CDYL2: variants seen among roughly 807,000 people sequenced by gnomAD.
The protein encoded by CDYL2 is chromodomain Y like 2, also known as chromodomain Y-like protein 2.
Under a neutral mutation model 49.4 loss-of-function variants are expected in CDYL2, and 23 were observed. That is an observed-to-expected ratio of 0.47 (90% CI 0.34 to 0.66). The LOEUF (loss-of-function observed/expected upper bound fraction) is 0.66. Among genes scored for constraint, CDYL2 ranks in the 30% least tolerant of loss-of-function variants. CDYL2 has a pLI of 0.01. For synonymous variants in CDYL2, 360 were observed against 268.8 expected (o/e 1.34, Z -3.32); for missense variants, 678 against 656.4 (o/e 1.03, Z -0.36).
At chr16:80,780,217 C>T (rs76390378) in intron 1 of CDYL2, among the ~76,000 whole-genome samples, 10,576 of 151,820 alleles carry the variant, frequency 0.07, 443 homozygotes, top group African/African-American at 0.11. Context: ...GTGAATTTTT[C>T]GTAAAAATTC....
chr16:80,765,344 C>T (rs775171415), intron 1 of CDYL2, among the ~76,000 whole-genome samples: 3 of 151,362 alleles, frequency 2.0e-5, no homozygotes, highest in Non-Finnish European at 4.4e-5. Context: ...ACAGAAACGA[C>T]GAAAGACTAA....
intron 1 of CDYL2, among the ~76,000 whole-genome samples, chr16:80,768,342 C>G (rs1476204285): frequency 6.6e-6 from 1 of 152,220 alleles, no homozygotes; most frequent in Non-Finnish European, 1.5e-5. Context: ...AACATCAACA[C>G]CTCAAGTGTT....
chr16:80,711,860 C>A (rs1026607519), intron 1 of CDYL2, among the ~76,000 whole-genome samples: 2 of 152,066 alleles, frequency 1.3e-5, no homozygotes. Context: ...TGGCTGACCA[C>A]ACTCAGTATG....
chr16:80,607,414 T>C (rs955540512), intron 6 of CDYL2, among the ~76,000 whole-genome samples: 2 of 152,152 alleles, frequency 1.3e-5, no homozygotes, highest in Admixed American at 6.5e-5. Flanking sequence ...CAGCTCCCTG[T>C]TTCTCAAGCA....
chr16:80,767,988 A>G lies in CDYL2; in HGVS notation c.24+36162T>C, dbSNP rs573147874. Among the ~76,000 whole-genome samples the G allele has an allele frequency of 9.5e-4, 145 of 152,248 alleles. 1 individual carries two copies. Among genetic ancestry groups the G allele is most frequent in the Non-Finnish European group, 1.9e-3 (131 of 68,010 alleles). On this transcript the variant is annotated intron_variant, in intron 1 of 6. Coordinates refer to ENST00000570137, the MANE Select transcript of CDYL2 (RefSeq NM_152342.4). The stretch of plus-strand genomic sequence containing the variant: ...GAATACTGAGCTCTTAAAATGAATT[A>G]ACCCATGTAGTCTTCCTATCAATCC...
intron 1 of CDYL2, among the ~76,000 whole-genome samples, chr16:80,717,092 G>A (rs934547758): frequency 6.7e-6 from 1 of 150,218 alleles, no homozygotes; most frequent in Non-Finnish European, 1.5e-5. Context: ...ATGGGTGAAT[G>A]ATTGGGTTGA....
At chr16:80,748,693 C>T (rs763281189) in intron 1 of CDYL2, among the ~76,000 whole-genome samples, 2 of 151,850 alleles carry the variant, frequency 1.3e-5, no homozygotes, top group African/African-American at 4.8e-5. Context: ...TTATTACCAG[C>T]ACCCCTCACC....
In CDYL2 at chr16:80,735,942, G is replaced by A. The variant is rs140918492; in HGVS notation, c.25-50813C>T. ...AGGCACTTAGGAATCACAGAGACTC[G>A]GGTCTGCACTTAGTAGCTCAGGGGC... On this transcript the variant is annotated intron_variant, in intron 1 of 6. Transcript: ENST00000570137. 1.5e-3 allele frequency among the ~76,000 whole-genome samples: 232 copies of A among 152,284 alleles called. 2 individuals carry two copies. The highest frequency in any genetic ancestry group is 5.3e-3 in the African/African-American group (221 of 41,558).
intron 3 of CDYL2, among the ~76,000 whole-genome samples, chr16:80,621,190 C>T (rs1395891672): frequency 6.6e-6 from 1 of 152,246 alleles, no homozygotes; most frequent in Non-Finnish European, 1.5e-5. Context: ...AGTGTGGTCA[C>T]TGGCTGCAGA....
intron 1 of CDYL2, among the ~76,000 whole-genome samples, chr16:80,693,661 C>T (rs1910504814): frequency 6.6e-6 from 1 of 152,130 alleles, no homozygotes; most frequent in African/African-American, 2.4e-5. Context: ...CATTCAGGTG[C>T]CAAGGACCAG....
intron 2 of CDYL2, among the ~76,000 whole-genome samples, chr16:80,667,437 G>A (rs1168769241): frequency 2.6e-5 from 4 of 151,964 alleles, no homozygotes; most frequent in African/African-American, 7.3e-5. Context: ...CAGTCATTTC[G>A]GCTCATTTTA....
rs780027195 is a variant in CDYL2, at chr16:80,633,148, C to T, written c.705G>A (p.Arg235=). 1.2e-6 allele frequency: 2 copies of T among 1,614,196 alleles called. No individual in the cohort carries two copies. ...CATTCTGGCGGACACTGTATCTGAG[C>T]CTTTTGTCAAAGACGTAGTCCTTCT... ...EAEKDYVFDK[R]LRYSVRQNES... Residue 235 remains arginine, a synonymous_variant, in exon 3 of 7, where the codon AGG becomes AGA. Transcript: ENST00000570137.
chr16:80,782,073 A>G (rs1907287152), intron 1 of CDYL2, among the ~76,000 whole-genome samples: 1 of 152,028 alleles, frequency 6.6e-6, no homozygotes, highest in Admixed American at 6.5e-5. Context: ...TACAAAAACA[A>G]TAGAGAAAAT....
intron 2 of CDYL2, among the ~76,000 whole-genome samples, chr16:80,679,349 C>G (rs2142466075): frequency 6.6e-6 from 1 of 152,248 alleles, no homozygotes; most frequent in African/African-American, 2.4e-5. Flanking sequence ...ACTCCTGACC[C>G]TCCCCCAGTC....
intron 1 of CDYL2, among the ~76,000 whole-genome samples, chr16:80,689,197 A>G (rs1447230688): frequency 2.0e-5 from 3 of 152,226 alleles, no homozygotes; most frequent in African/African-American, 7.2e-5. Flanking sequence ...CAAATCATTC[A>G]TTAACATTTA....
At chr16:80,760,390 TAGAA>T (rs2142382295) in intron 1 of CDYL2, among the ~76,000 whole-genome samples, 1 of 152,154 alleles carries the variant, frequency 6.6e-6, no homozygotes, top group Non-Finnish European at 1.5e-5. Context: ...ACAAAAAAAA[TAGAA>T]TGAATGAATA....
At chr16:80,696,894 G>T (rs1358771698) in intron 1 of CDYL2, among the ~76,000 whole-genome samples, 1 of 152,154 alleles carries the variant, frequency 6.6e-6, no homozygotes, top group Admixed American at 6.5e-5. Context: ...CTCCTCTGGA[G>T]GTGGAAGTGA....
intron 1 of CDYL2, among the ~76,000 whole-genome samples, chr16:80,689,300 A>C (rs1910320387): frequency 6.6e-6 from 1 of 152,160 alleles, no homozygotes; most frequent in Non-Finnish European, 1.5e-5. Context: ...CCAGGATGCC[A>C]CCTGGATGGC....
intron 1 of CDYL2, among the ~76,000 whole-genome samples, chr16:80,732,047 G>C (rs1217585488): frequency 5.9e-5 from 9 of 152,126 alleles, no homozygotes; most frequent in African/African-American, 2.2e-4. Flanking sequence ...ATAGTGCAAG[G>C]CTCTGTATTC....
Sources: gnomAD v4.1 joint callset for allele counts (sites outside exome capture counted in the v4.1 genomes callset) on GRCh38, gnomAD v4.1.1 for gene constraint, MANE v1.5 for transcripts, NCBI Gene and HGNC (gene_info 2026-07-23, HGNC 2026-07-21) for gene names.